UBE2D2: variants seen among roughly 807,000 people sequenced by gnomAD.
UBE2D2 encodes the protein ubiquitin-conjugating enzyme E2 D2.
A neutral mutation model predicts 24.2 loss-of-function variants in UBE2D2; 2 were observed. The observed-to-expected ratio is 0.08, with a 90% CI of 0.03 to 0.26. The LOEUF is 0.26. Ranked by LOEUF, UBE2D2 falls within the 10% of genes least tolerant of loss-of-function variation. The probability of loss-of-function intolerance (pLI) is 1.00; values close to 1 mark genes in which losing one functional copy is unlikely to be tolerated. For synonymous variants in UBE2D2, 58 were observed against 56.5 expected (o/e 1.03, Z -0.12); for missense variants, 44 against 177.6 (o/e 0.25, Z 4.28).
chr5:139,574,735 CAAA>C (rs75539434), intron 1 of UBE2D2, among the ~76,000 whole-genome samples: 49 of 70,720 alleles, frequency 6.9e-4, no homozygotes, highest in African/African-American at 1.3e-3. Context: ...GGTGGGGTGG[CAAA>C]AAAAAAAAAA....
At position 139,618,969 on chromosome 5, in the gene UBE2D2, G is replaced by A. The variant is rs114351166; in HGVS notation, c.304+4003G>A. Among the ~76,000 whole-genome samples the A allele has an allele frequency of 7.7e-3, 1,179 of 152,228 alleles. 8 individuals carry two copies. Among genetic ancestry groups the A allele is most frequent in the Middle Eastern group, 0.041 (12 of 294 alleles). On this transcript the variant is annotated intron_variant, in intron 5 of 6. Transcript: ENST00000398733. ...AGTATTCACTCTACTTTGAAGGTCC[G>A]TGATGGGGACCTAAATATTTAAAAA...
intron 1 of UBE2D2, among the ~76,000 whole-genome samples, chr5:139,544,011 G>A (rs1456577492): frequency 6.6e-6 from 1 of 152,014 alleles, no homozygotes. Context: ...GATAACAAAA[G>A]CAAAATATGC....
chr5:139,561,686 C>A lies in UBE2D2; in HGVS notation c.-106C>A. 2 of 886,636 alleles carry A rather than the reference C, an allele frequency of 2.3e-6. No individual in the cohort carries two copies. Among genetic ancestry groups the A allele is most frequent in the African/African-American group, 1.8e-5 (1 of 55,878 alleles). The allele number at this position is 886,636 out of a possible 1,614,324, so 54.9% of individuals were successfully genotyped here. A position where few individuals can be genotyped will look rare whatever the true frequency, so the allele number is the denominator to read the frequency against. Reference sequence around the variant, plus strand: ...CGCTTTCCTCAACTCTCCATCTTCTCCTGCCGACCGAGATCGCCGAGGCGG... The same window carrying A: ...CGCTTTCCTCAACTCTCCATCTTCTACTGCCGACCGAGATCGCCGAGGCGG... On this transcript the variant is annotated 5_prime_UTR_variant, in exon 1 of 7. Transcript: ENST00000398733.
In UBE2D2 at chr5:139,561,835, C is replaced by T; in HGVS notation, c.24+20C>T. 6.7e-7 allele frequency: 1 copy of T among 1,486,242 alleles called. No homozygotes were observed. The highest frequency in any genetic ancestry group is 2.5e-5 in the Admixed American group (1 of 39,284). 92.1% of individuals were successfully genotyped at this position (1,486,242 alleles called of 1,614,324 possible). On this transcript the variant is annotated intron_variant, in intron 1 of 6. Coordinates refer to ENST00000398733, the MANE Select transcript of UBE2D2 (RefSeq NM_003339.3). ...CACAAGGTAAGCGGCCGGAGGTCGG[C>T]TGCGCTGCTGGCCAGCTGAGCAGGC...
intron 5 of UBE2D2, among the ~76,000 whole-genome samples, chr5:139,618,603 G>A (rs1016423142): frequency 8.5e-5 from 13 of 152,100 alleles, no homozygotes; most frequent in Admixed American, 3.9e-4. Flanking sequence ...GTGTTTGGTG[G>A]GGTGAGGTGT....
At chr5:139,529,968 C>T (rs899898288) in intron 1 of UBE2D2, among the ~76,000 whole-genome samples, 3 of 152,162 alleles carry the variant, frequency 2.0e-5, no homozygotes, top group African/African-American at 7.2e-5. Flanking sequence ...GACCCAGTTC[C>T]TGATGAATTC....
intron 1 of UBE2D2, among the ~76,000 whole-genome samples, chr5:139,587,651 C>A (rs567599984): frequency 7.3e-6 from 1 of 136,206 alleles, no homozygotes; most frequent in Non-Finnish European, 1.5e-5. Flanking sequence ...CCAGCCTGGC[C>A]GACAGAGCAA....
chr5:139,595,889 G>GTTTTTT (rs1561514902), intron 1 of UBE2D2, among the ~76,000 whole-genome samples: 17 of 113,002 alleles, frequency 1.5e-4, no homozygotes, highest in African/African-American at 4.3e-4. Context: ...TTTGTTTTTT[G>GTTTTTT]TTGTTTTTTT....
At chr5:139,544,643 T>C (rs1392156097) in intron 1 of UBE2D2, among the ~76,000 whole-genome samples, 1 of 151,748 alleles carries the variant, frequency 6.6e-6, no homozygotes, top group Non-Finnish European at 1.5e-5. Context: ...CCCAAAATTT[T>C]ATGAAGATTA....
At chr5:139,585,305 T>G (rs1753706633) in intron 1 of UBE2D2, among the ~76,000 whole-genome samples, 1 of 151,834 alleles carries the variant, frequency 6.6e-6, no homozygotes, top group Non-Finnish European at 1.5e-5. Flanking sequence ...CCCAAACTTC[T>G]GGGCTCAAGT....
chr5:139,609,480 T>C (rs1469712842), intron 2 of UBE2D2, among the ~76,000 whole-genome samples: 1 of 151,446 alleles, frequency 6.6e-6, no homozygotes, highest in Admixed American at 6.6e-5. Context: ...AAGCGATTCT[T>C]CTGCCTCAGC....
chr5:139,568,556 A>C (rs1051514972), intron 1 of UBE2D2, among the ~76,000 whole-genome samples: 2 of 151,678 alleles, frequency 1.3e-5, no homozygotes, highest in South Asian at 4.2e-4. Flanking sequence ...TATTCGGGAG[A>C]CTGAGGCAGG....
At chr5:139,578,576 T>C (rs355164) in intron 1 of UBE2D2, among the ~76,000 whole-genome samples, 151,492 of 152,002 alleles carry the variant, frequency 1, 75,519 homozygotes, top group Middle Eastern at 1. Context: ...CCTCAGCCTT[T>C]CCAGTAGCTG....
chr5:139,604,123 C>T (rs1318181093), intron 2 of UBE2D2, among the ~76,000 whole-genome samples: 3 of 151,880 alleles, frequency 2.0e-5, no homozygotes, highest in African/African-American at 7.3e-5. Context: ...GGACATATAT[C>T]CAGTATATTT....
chr5:139,608,408 T>G (rs1171237357), intron 2 of UBE2D2, among the ~76,000 whole-genome samples: 1 of 151,740 alleles, frequency 6.6e-6, no homozygotes, highest in Non-Finnish European at 1.5e-5. Flanking sequence ...ACTCCAGCCT[T>G]GACAAAGTGA....
chr5:139,596,547 C>T (rs1015177499), intron 1 of UBE2D2, among the ~76,000 whole-genome samples: 4 of 151,920 alleles, frequency 2.6e-5, no homozygotes, highest in Admixed American at 1.3e-4. Context: ...CCGCCTTGGC[C>T]TCCCAAAGTG....
intron 1 of UBE2D2, among the ~76,000 whole-genome samples, chr5:139,575,188 A>G (rs900303627): frequency 6.6e-6 from 1 of 152,282 alleles, no homozygotes; most frequent in African/African-American, 2.4e-5. Flanking sequence ...TCAGCTGGTG[A>G]AGAGCTGGAC....
In UBE2D2 at chr5:139,561,458, T is replaced by G; in HGVS notation, c.-334T>G. 1 of 300,178 alleles carries G rather than the reference T, an allele frequency of 3.3e-6. No individual in the cohort carries two copies. The highest frequency in any genetic ancestry group is 9.0e-4 in the Middle Eastern group (1 of 1,110). The allele number at this position is 300,178 out of a possible 1,614,324, so 18.6% of individuals were successfully genotyped here. A position where few individuals can be genotyped will look rare whatever the true frequency, so the allele number is the denominator to read the frequency against. On this transcript the variant is annotated 5_prime_UTR_variant, in exon 1 of 7. Coordinates refer to ENST00000398733, the MANE Select transcript of UBE2D2 (RefSeq NM_003339.3). Reference sequence around the variant, plus strand: ...AAGAGAGGCCGGCCGAGCCCGAGGCTTGGGCTTTTGCTTTCTGGCGGAGGG... The same window carrying G: ...AAGAGAGGCCGGCCGAGCCCGAGGCGTGGGCTTTTGCTTTCTGGCGGAGGG...
At chr5:139,566,706 T>A (rs990843872) in intron 1 of UBE2D2, among the ~76,000 whole-genome samples, 3 of 151,812 alleles carry the variant, frequency 2.0e-5, no homozygotes, top group African/African-American at 7.3e-5. Context: ...GATTTCAAAC[T>A]CTGATGTCTA....
Sources: allele counts gnomAD v4.1 joint callset (sites outside exome capture counted in the v4.1 genomes callset), GRCh38; gene constraint gnomAD v4.1.1; transcripts MANE v1.5; gene names NCBI Gene and HGNC (gene_info 2026-07-23, HGNC 2026-07-21).